USP14: variants seen among roughly 807,000 people sequenced by gnomAD.
USP14 encodes ubiquitin specific peptidase 14, also known as ubiquitin carboxyl-terminal hydrolase 14.
In USP14, 38 loss-of-function variants were observed where a neutral mutation model predicts 76.5. The ratio of observed to expected loss-of-function variants is 0.50; its 90% CI spans 0.38 to 0.65. The LOEUF is 0.65. Ranked by LOEUF, USP14 falls within the 30% of genes least tolerant of loss-of-function variation. The probability of loss-of-function intolerance (pLI) is 0.00; values close to 1 mark genes in which losing one functional copy is unlikely to be tolerated. For synonymous variants in USP14, 192 were observed against 191.7 expected, an observed-to-expected ratio of 1.00 and a Z score of -0.01; for missense variants, 467 against 586.5, an observed-to-expected ratio of 0.80 and a Z score of 2.10.
At chr18:175,588 A>C (rs1298491203) in intron 3 of USP14, among the ~76,000 whole-genome samples, 2 of 152,118 alleles carry the variant, frequency 1.3e-5, no homozygotes. Context: ...TGGACATTAT[A>C]TATTGCTAGA....
chr18:179,175 A>T, intron 4 of USP14, 138 bp downstream of exon 4: 1 of 599,334 alleles, frequency 1.7e-6, no homozygotes, highest in Non-Finnish European at 2.8e-6. Flanking sequence ...GCAGTAAATA[A>T]GAGTTTTATT....
At chr18:161,412 T>G (rs1215716798) in intron 1 of USP14, among the ~76,000 whole-genome samples, 1 of 152,210 alleles carries the variant, frequency 6.6e-6, no homozygotes, top group African/African-American at 2.4e-5. Flanking sequence ...CCTCTCCTAG[T>G]CTCTGACTAA....
chr18:210,302 CT>C, intron 14 of USP14, 83 bp from the exon 15 acceptor site: 1 of 1,023,140 alleles, frequency 9.8e-7, no homozygotes. Flanking sequence ...GTAATGTGAA[CT>C]TTAGAGTTAT....
rs1448770257 is a variant in USP14 at position 192,862 on chromosome 18, C to G, written c.425C>G (p.Ala142Gly). The part of the protein sequence containing the change: ...ALKRYAGALR[A>G]SGEMASAQYI... ...CCTAGGTATGCAGGTGCCTTGAGAGCTTCAGGGGAAATGGCTTCAGCGCAG... is the reference window on the plus strand; with the variant it reads ...CCTAGGTATGCAGGTGCCTTGAGAGGTTCAGGGGAAATGGCTTCAGCGCAG... The change falls in exon 6 of 16, where the codon GCT becomes GGT. Residue 142 changes from alanine to glycine, a missense_variant. Ala to Gly is a moderately conservative substitution (Grantham distance 60). Coordinates refer to ENST00000261601, the MANE Select transcript of USP14 (RefSeq NM_005151.4). 1.2e-6 allele frequency: 2 copies of G among 1,613,694 alleles called. No homozygotes were observed. Among genetic ancestry groups the G allele is most frequent in the East Asian group, 4.5e-5 (2 of 44,854 alleles).
At chr18:180,153 A>T in intron 4 of USP14, 83 bp from the exon 5 acceptor site, 1 of 657,280 alleles carries the variant, frequency 1.5e-6, no homozygotes, top group Admixed American at 3.6e-5. Context: ...TCAAAATGAG[A>T]ATTTTAGTGA....
chr18:200,853 G>A (rs1440345856), intron 10 of USP14, among the ~76,000 whole-genome samples: 1 of 152,076 alleles, frequency 6.6e-6, no homozygotes, highest in Non-Finnish European at 1.5e-5. Context: ...CCAAGCTGGA[G>A]TGCAGTGGCA....
chr18:174,607 TTC>T lies in USP14; in HGVS notation c.196-4324_196-4323del, dbSNP rs1420503457. Among the ~76,000 whole-genome samples, 30 of 131,872 alleles carry T rather than the reference TTC, an allele frequency of 2.3e-4. 1 individual carries two copies. The East Asian group carries it at 5.3e-3, about 23-fold the overall frequency. The allele number at this position is 131,872 out of a possible 152,430, so 86.5% of individuals were successfully genotyped here. ...ATGTTGTCGTAAGTGGTACTTTTCT[TTC>T]TTTTTTTTTTTTTTTTTAAAGACGA... On this transcript the variant is annotated intron_variant, in intron 3 of 15. Transcript: ENST00000261601.
intron 3 of USP14, among the ~76,000 whole-genome samples, chr18:177,183 C>T (rs1235475366): frequency 6.6e-6 from 1 of 151,778 alleles, no homozygotes; most frequent in Non-Finnish European, 1.5e-5. Context: ...TATATGTTGG[C>T]ATTTCTTCTA....
At chr18:200,511 G>A (rs1017104096) in intron 10 of USP14, among the ~76,000 whole-genome samples, 4 of 152,208 alleles carry the variant, frequency 2.6e-5, no homozygotes, top group African/African-American at 9.6e-5. Context: ...GGCAGAGCCA[G>A]AACTAGAACT....
intron 6 of USP14, among the ~76,000 whole-genome samples, chr18:194,294 C>A (rs1910170685): frequency 6.6e-6 from 1 of 152,238 alleles, no homozygotes; most frequent in East Asian, 1.9e-4. Flanking sequence ...TCATTTATAT[C>A]TACTTCATTT....
rs1207634883 is a variant in USP14 at position 202,367 on chromosome 18, T to C, written c.877-513T>C. Among the ~76,000 whole-genome samples, 3 of 152,230 alleles carry C rather than the reference T, an allele frequency of 2.0e-5. No homozygotes were observed. The East Asian group carries it at 5.8e-4, about 29-fold the overall frequency. ...AGAAAGGTGATCATGCTGGTTAAGA[T>C]ATGTGCAGCAGCTAAAGGCTTTCCC... On this transcript the variant is annotated intron_variant, in intron 10 of 15. Transcript: ENST00000261601.
intron 1 of USP14, among the ~76,000 whole-genome samples, chr18:160,962 T>C (rs1420754549): frequency 2.6e-5 from 4 of 152,194 alleles, no homozygotes; most frequent in African/African-American, 9.6e-5. Context: ...AGTTTTGCTC[T>C]TGTTGCCCAG....
At chr18:176,383 G>A (rs1307730948) in intron 3 of USP14, among the ~76,000 whole-genome samples, 1 of 152,120 alleles carries the variant, frequency 6.6e-6, no homozygotes, top group Non-Finnish European at 1.5e-5. Context: ...GAGCACCTAG[G>A]CTCAAGCAGT....
chr18:183,931 C>G (rs1218650935), intron 5 of USP14, among the ~76,000 whole-genome samples: 2 of 152,038 alleles, frequency 1.3e-5, no homozygotes, highest in Non-Finnish European at 2.9e-5. Context: ...GGCTAGCACC[C>G]TTGGGAGTGG....
intron 4 of USP14, among the ~76,000 whole-genome samples, chr18:179,766 A>T (rs28555521): frequency 0.2 from 27,384 of 135,504 alleles, 3,165 homozygotes; most frequent in Non-Finnish European, 0.26. Context: ...AAAAAAAAAA[A>T]TTTTTTTTTT....
intron 2 of USP14, among the ~76,000 whole-genome samples, chr18:163,771 G>A (rs1331635037): frequency 1.3e-5 from 2 of 150,176 alleles, no homozygotes; most frequent in Non-Finnish European, 1.5e-5. Flanking sequence ...GGGTTTCAAT[G>A]TACGGATTTC....
At chr18:162,401 TGTG>T (rs1189529760) in intron 1 of USP14, among the ~76,000 whole-genome samples, 3 of 152,356 alleles carry the variant, frequency 2.0e-5, no homozygotes, top group African/African-American at 7.2e-5. Context: ...TTCTAATGGC[TGTG>T]AAGTGGGATT....
At chr18:165,634 A>G (rs575009366) in intron 2 of USP14, among the ~76,000 whole-genome samples, 1 of 152,292 alleles carries the variant, frequency 6.6e-6, no homozygotes. Flanking sequence ...AATTTTATAA[A>G]TGAGTGTCAA....
chr18:190,084 T>C (rs954093570), intron 5 of USP14, among the ~76,000 whole-genome samples: 1 of 152,170 alleles, frequency 6.6e-6, no homozygotes, highest in Non-Finnish European at 1.5e-5. Flanking sequence ...TGGCTCATGA[T>C]GTTTAGTGTA....
Sources: gnomAD v4.1 joint callset for allele counts (sites outside exome capture counted in the v4.1 genomes callset) on GRCh38, gnomAD v4.1.1 for gene constraint, MANE v1.5 for transcripts, NCBI Gene and HGNC (gene_info 2026-07-23, HGNC 2026-07-21) for gene names.